The following RBPMS2 variants were observed in gnomAD, a reference collection of about 807,000 sequenced individuals.
The protein encoded by RBPMS2 is RNA-binding protein with multiple splicing 2.
Under a neutral mutation model 25.7 loss-of-function variants are expected in RBPMS2, and 14 were observed. That is an observed-to-expected ratio of 0.55 (90% CI 0.36 to 0.85). RBPMS2 has a LOEUF of 0.85. Among genes scored for constraint, RBPMS2 ranks in the 40% least tolerant of loss-of-function variants. The pLI is 0.01. For missense variants in RBPMS2, 252 were observed against 283.4 expected, an observed-to-expected ratio of 0.89 and a Z score of 0.80; for synonymous variants, 127 against 115.6, an observed-to-expected ratio of 1.10 and a Z score of -0.63.
chr15:64,755,571 C>A (rs2083724999), intron 1 of RBPMS2, among the ~76,000 whole-genome samples: 2 of 152,188 alleles, frequency 1.3e-5, no homozygotes, highest in Admixed American at 1.3e-4. Context: ...AGACCAGGCA[C>A]CCTGACTCTG....
At chr15:64,768,615 G>C (rs2141077891) in intron 1 of RBPMS2, among the ~76,000 whole-genome samples, 2 of 151,936 alleles carry the variant, frequency 1.3e-5, no homozygotes, top group South Asian at 4.2e-4. Flanking sequence ...TCTAGCCTGG[G>C]CAACAAAGCA....
Position 64,750,330 on chromosome 15 carries a change from G to C in RBPMS2, c.204+13C>G, listed in dbSNP as rs369959447. On this transcript the variant is annotated intron_variant, in intron 3 of 7. Transcript: ENST00000300069. Reference sequence around the variant, plus strand: ...CTGGGCTGGGAGGAAGAAAACCCTAGGAGAGAAATTACCTGTCTTGCAGTG... The same window carrying C: ...CTGGGCTGGGAGGAAGAAAACCCTACGAGAGAAATTACCTGTCTTGCAGTG... 1 of 1,612,102 alleles carries C rather than the reference G, an allele frequency of 6.2e-7. No homozygotes were observed. The highest frequency in any genetic ancestry group is 1.1e-5 in the South Asian group (1 of 90,978).
intron 1 of RBPMS2, among the ~76,000 whole-genome samples, chr15:64,760,525 G>A (rs889142154): frequency 1.3e-5 from 2 of 152,034 alleles, no homozygotes; most frequent in African/African-American, 4.8e-5. Context: ...GAATAGCCAC[G>A]AAAGGACCCC....
chr15:64,754,827 G>A (rs2083717215), intron 1 of RBPMS2, among the ~76,000 whole-genome samples: 1 of 152,106 alleles, frequency 6.6e-6, no homozygotes, highest in African/African-American at 2.4e-5. Context: ...GGTAGCCCAG[G>A]GTCTGCCTCC....
At chr15:64,746,733 C>A (rs1567063515) in intron 6 of RBPMS2, among the ~76,000 whole-genome samples, 1 of 152,248 alleles carries the variant, frequency 6.6e-6, no homozygotes, top group African/African-American at 2.4e-5. Context: ...TGGCTCCCAA[C>A]CTCTGTCACA....
intron 1 of RBPMS2, among the ~76,000 whole-genome samples, chr15:64,763,623 T>C (rs1286322078): frequency 6.6e-6 from 1 of 152,180 alleles, no homozygotes; most frequent in Non-Finnish European, 1.5e-5. Context: ...GCAAAGCTCA[T>C]AGTCCTTTGA....
intron 6 of RBPMS2, among the ~76,000 whole-genome samples, 167 bp from the exon 7 acceptor site, chr15:64,741,409 C>G (rs2083561463): frequency 6.6e-6 from 1 of 152,184 alleles, no homozygotes; most frequent in Admixed American, 6.5e-5. Flanking sequence ...CTCTATCCGG[C>G]AAGTGGGAGT....
chr15:64,759,159 G>A (rs1294144038), intron 1 of RBPMS2, among the ~76,000 whole-genome samples: 11 of 152,036 alleles, frequency 7.2e-5, no homozygotes, highest in Non-Finnish European at 1.5e-5. Context: ...CTCCAGCATC[G>A]TAACTCAGCC....
intron 6 of RBPMS2, among the ~76,000 whole-genome samples, chr15:64,747,612 C>T (rs1365300541): frequency 6.6e-6 from 1 of 152,206 alleles, no homozygotes; most frequent in Non-Finnish European, 1.5e-5. Flanking sequence ...CACCCCACTG[C>T]TCCCCGACAC....
At chr15:64,774,434 C>T (rs1007839206) in intron 1 of RBPMS2, among the ~76,000 whole-genome samples, 3 of 152,134 alleles carry the variant, frequency 2.0e-5, no homozygotes, top group Admixed American at 6.5e-5. Context: ...TCCTCCCTAC[C>T]ATCCATTAAC....
intron 1 of RBPMS2, among the ~76,000 whole-genome samples, chr15:64,764,070 C>T (rs1335408586): frequency 6.6e-6 from 1 of 152,184 alleles, no homozygotes; most frequent in Non-Finnish European, 1.5e-5. Flanking sequence ...GGCAGGCTGG[C>T]TGAAGCGTGC....
rs116533089 is a variant in RBPMS2, at chr15:64,755,627, G to A, written c.88-3989C>T. On this transcript the variant is annotated intron_variant, in intron 1 of 7. Transcript: ENST00000300069. ...AGCGGCACAGGGCAGCCTCATCAGC[G>A]TCATGGGTGGGTAAGTGCTGCCATC... Among the ~76,000 whole-genome samples the A allele has an allele frequency of 3.5e-3, 526 of 152,252 alleles. 2 individuals are homozygous for A. The highest frequency in any genetic ancestry group is 0.012 in the African/African-American group (497 of 41,542).
At position 64,751,561 on chromosome 15, in the gene RBPMS2, C is replaced by T. The variant is rs538960013; in HGVS notation, c.165G>A (p.Lys55=). ...RELYLLFRPF[K]GYEGSLIKLT... is the part of the protein sequence containing the mutation. ...AGGGGGCGGCTGGGTCCTGACTCAC[C>T]TTGAACGGCCGGAAGAGCAAGTAGA... Residue 55 remains lysine, a splice_region_variant and synonymous_variant, in exon 2 of 8, where the codon AAG becomes AAA. Coordinates refer to ENST00000300069, the MANE Select transcript of RBPMS2 (RefSeq NM_194272.3). 2.7e-5 allele frequency: 43 copies of T among 1,613,828 alleles called. No homozygotes were observed. The South Asian group carries it at 4.5e-4, about 17-fold the overall frequency.
rs139925033 is a variant in RBPMS2, at chr15:64,753,011, G to C, written c.88-1373C>G. ...CTGTAGCCACTGCTGCTATTTAAAC[G>C]CTGCTGGCACCGGATGCTAAACTAG... is the stretch of plus-strand genomic sequence containing the variant. On this transcript the variant is annotated intron_variant, in intron 1 of 7. Transcript: ENST00000300069. Among the ~76,000 whole-genome samples, 182 of 152,244 alleles carry C rather than the reference G, an allele frequency of 1.2e-3. 1 individual carries two copies. Among genetic ancestry groups the C allele is most frequent in the Non-Finnish European group, 2.4e-3 (165 of 68,010 alleles).
intron 1 of RBPMS2, among the ~76,000 whole-genome samples, chr15:64,762,844 G>A (rs1041369762): frequency 6.6e-6 from 1 of 152,172 alleles, no homozygotes; most frequent in Admixed American, 6.5e-5. Context: ...CAGAGCTTCA[G>A]TGACTCCTTC....
intron 1 of RBPMS2, among the ~76,000 whole-genome samples, chr15:64,764,077 G>C (rs750745394): frequency 4.6e-5 from 7 of 152,146 alleles, no homozygotes; most frequent in Non-Finnish European, 1.0e-4. Context: ...TGGCTGAAGC[G>C]TGCCTTCCAT....
chr15:64,749,052 A>T lies in RBPMS2; in HGVS notation c.366T>A (p.Asn122Lys). 2 of 1,614,068 alleles carry T rather than the reference A, an allele frequency of 1.2e-6. No individual in the cohort carries two copies. The highest frequency in any genetic ancestry group is 1.7e-6 in the Non-Finnish European group (2 of 1,180,014). Residue 122 changes from asparagine (N) to lysine (K), a missense_variant, in exon 5 of 8, where the codon AAT (asparagine) becomes AAA (lysine). Transcript: ENST00000300069. ...CTAGGGCGGGGTGCACGTTGCTGGG[A>T]TTTGGAGTTGCCATTAGCTTGCTCT... ...MAKSKLMATP[N>K]PSNVHPALGA... is the part of the protein sequence containing the mutation.
intron 1 of RBPMS2, among the ~76,000 whole-genome samples, chr15:64,765,226 CAAAAAAAAA>C (rs34231406): frequency 2.2e-4 from 11 of 50,902 alleles, no homozygotes; most frequent in Admixed American, 3.6e-4. Context: ...GACTCTGTCT[CAAAAAAAAA>C]AAAAAAAAAA....
intron 1 of RBPMS2, 27 bp from the exon 2 acceptor site, chr15:64,751,665 C>G (rs1289124622): frequency 6.3e-7 from 1 of 1,597,520 alleles, no homozygotes; most frequent in South Asian, 1.1e-5. Context: ...GTGATCAGGG[C>G]CAGGCTGCCC....
Sources: gnomAD v4.1 joint callset for allele counts (sites outside exome capture counted in the v4.1 genomes callset) on GRCh38, gnomAD v4.1.1 for gene constraint, MANE v1.5 for transcripts, NCBI Gene and HGNC (gene_info 2026-07-23, HGNC 2026-07-21) for gene names.